CC2D1A: variants seen among roughly 807,000 people sequenced by gnomAD.
CC2D1A encodes coiled-coil and C2 domain-containing protein 1A.
A neutral mutation model predicts 123.8 loss-of-function variants in CC2D1A; 68 were observed. That is an observed-to-expected ratio of 0.55 (90% CI 0.45 to 0.67). The LOEUF is 0.67. Ranked by LOEUF, CC2D1A falls within the 30% of genes least tolerant of loss-of-function variation. The pLI is 0.00. For missense variants in CC2D1A, 1,185 were observed against 1,290.3 expected, an observed-to-expected ratio of 0.92 and a Z score of 1.25; for synonymous variants, 477 against 528.0, an observed-to-expected ratio of 0.90 and a Z score of 1.32.
At position 13,930,736 on chromosome 19, in the gene CC2D1A, C is replaced by T. The variant is rs1971879956; in HGVS notation, c.*341C>T. On this transcript the variant is annotated 3_prime_UTR_variant, in exon 29 of 29. Coordinates refer to ENST00000318003, the MANE Select transcript of CC2D1A (RefSeq NM_017721.5). The surrounding 1 kb of genome is among the most constrained non-coding windows in gnomAD (Gnocchi z 6.8). Reference sequence around the variant, plus strand: ...GCAAGCACTTTACTTCCTGTTCCTCCCCAGCCTTAACCCCAAAGCCCTCCT... The same window carrying T: ...GCAAGCACTTTACTTCCTGTTCCTCTCCAGCCTTAACCCCAAAGCCCTCCT... The T allele has an allele frequency of 2.4e-6, 1 of 411,230 alleles. No individual in the cohort carries two copies. The highest frequency in any genetic ancestry group is 2.0e-5 in the African/African-American group (1 of 49,086). 25.5% of individuals were successfully genotyped at this position (411,230 alleles called of 1,614,324 possible).
chr19:13,906,629 C>T lies in CC2D1A; in HGVS notation c.60+128C>T, dbSNP rs771884055. 1.8e-6 allele frequency: 1 copy of T among 559,032 alleles called. No homozygotes were observed. Among genetic ancestry groups the T allele is most frequent in the Non-Finnish European group, 3.0e-6 (1 of 333,458 alleles). The allele number at this position is 559,032 out of a possible 1,614,324, so 34.6% of individuals were successfully genotyped here. On this transcript the variant is annotated intron_variant, in intron 1 of 28. Coordinates refer to ENST00000318003, the MANE Select transcript of CC2D1A (RefSeq NM_017721.5). The surrounding 1 kb of genome is among the most constrained non-coding windows in gnomAD (Gnocchi z 4.1). ...AGGTAAGCCCCGGTCCCCGCCTCCC[C>T]CCAGGTGAGGCTCCAACACCACCCA...
intron 6 of CC2D1A, among the ~76,000 whole-genome samples, chr19:13,915,376 G>A (rs977211177): frequency 1.3e-5 from 2 of 152,268 alleles, no homozygotes; most frequent in East Asian, 3.9e-4. Context: ...TTCTCGAGTA[G>A]CTGGGATTAC....
At chr19:13,918,650 C>G in intron 8 of CC2D1A, 74 bp downstream of exon 8, 1 of 1,583,454 alleles carries the variant, frequency 6.3e-7, no homozygotes. Context: ...GCTGCCACCC[C>G]TGTTGGTCAG....
chr19:13,912,809 C>T (rs569959863), intron 4 of CC2D1A, among the ~76,000 whole-genome samples: 3 of 152,292 alleles, frequency 2.0e-5, no homozygotes, highest in South Asian at 2.1e-4. Flanking sequence ...TGTGCCACCA[C>T]GCCTGGCTAA....
In CC2D1A at chr19:13,913,583, T is replaced by A; in HGVS notation, c.693T>A (p.Pro231=). The A allele has an allele frequency of 6.2e-7, 1 of 1,613,846 alleles. No individual in the cohort carries two copies. Among genetic ancestry groups the A allele is most frequent in the Non-Finnish European group, 8.5e-7 (1 of 1,179,900 alleles). Residue 231 remains proline, a synonymous_variant, in exon 6 of 29, where the codon CCT becomes CCA. Transcript: ENST00000318003. ...APEPRVTLEG[P]SATAPASSPG... is the part of the protein sequence containing the mutation. The stretch of plus-strand genomic sequence containing the variant: ...AGCCCAGGGTCACCCTGGAGGGACC[T>A]TCTGCCACCGCCCCAGCCTCATCTC...
rs1971857574 is a variant in CC2D1A, at chr19:13,930,319, G to A, written c.2835+30G>A. ...GCAGCTTAGGAGATGGGGTGGTTGG[G>A]GGATCACTGTGGTCGTAGCCCACCT... On this transcript the variant is annotated intron_variant, in intron 28 of 28. Coordinates refer to ENST00000318003, the MANE Select transcript of CC2D1A (RefSeq NM_017721.5). The surrounding 1 kb of genome is among the most constrained non-coding windows in gnomAD (Gnocchi z 6.8). 6.2e-6 allele frequency: 10 copies of A among 1,613,906 alleles called. No individual in the cohort carries two copies. Among genetic ancestry groups the A allele is most frequent in the Non-Finnish European group, 8.5e-6 (10 of 1,179,862 alleles).
chr19:13,927,302 G>T (rs756298557), intron 22 of CC2D1A, 37 bp downstream of exon 22: 59 of 1,510,788 alleles, frequency 3.9e-5, no homozygotes, highest in Non-Finnish European at 5.2e-5. Context: ...CTCCGGTATG[G>T]CCATGCTACT....
chr19:13,906,594 T>C lies in CC2D1A; in HGVS notation c.60+93T>C, dbSNP rs1970747581. The C allele has an allele frequency of 5.3e-6, 4 of 752,762 alleles. No individual in the cohort carries two copies. Among genetic ancestry groups the C allele is most frequent in the Non-Finnish European group, 7.9e-6 (4 of 506,132 alleles). 46.6% of individuals were successfully genotyped at this position (752,762 alleles called of 1,614,324 possible). A position where few individuals can be genotyped will look rare whatever the true frequency, so the allele number is the denominator to read the frequency against. Reference sequence around the variant, plus strand: ...CCCCACCCCCCAGGGAAGCCCGATCTCCGCCCCACAGGTAAGCCCCGGTCC... The same window carrying C: ...CCCCACCCCCCAGGGAAGCCCGATCCCCGCCCCACAGGTAAGCCCCGGTCC... On this transcript the variant is annotated intron_variant, in intron 1 of 28. Transcript: ENST00000318003. This position sits in a 1 kb window ranked among gnomAD's most constrained non-coding sequence, Gnocchi z 4.1.
intron 6 of CC2D1A, among the ~76,000 whole-genome samples, chr19:13,916,517 T>C (rs1006118174): frequency 2.0e-5 from 3 of 152,072 alleles, no homozygotes; most frequent in Non-Finnish European, 2.9e-5. Flanking sequence ...TGAGCTGTGA[T>C]TGCACCACTG....
intron 11 of CC2D1A, chr19:13,919,595 T>C (rs1031135574): frequency 2.5e-6 from 1 of 394,658 alleles, no homozygotes; most frequent in Non-Finnish European, 4.5e-6. Flanking sequence ...AAAATTAGCC[T>C]GGTGTGGTGG....
intron 11 of CC2D1A, 55 bp downstream of exon 11, chr19:13,919,257 G>T: frequency 7.8e-7 from 1 of 1,281,300 alleles, no homozygotes; most frequent in Non-Finnish European, 1.1e-6. Flanking sequence ...CGTAGGCCCC[G>T]CCCCCAGAGG....
rs1426524024 is a variant in CC2D1A, at chr19:13,919,312, C to T, written c.1222+110C>T. 7 of 823,294 alleles carry T rather than the reference C, an allele frequency of 8.5e-6. No individual in the cohort carries two copies. The Admixed American group carries it at 1.4e-4, about 16-fold the overall frequency. 51.0% of individuals were successfully genotyped at this position (823,294 alleles called of 1,614,324 possible). Reference sequence around the variant, plus strand: ...TGCCCCAAGCTCCTGTTCCTCCAGCCTCTGAGCCTTGGCAGATGCTATTAC... The same window carrying T: ...TGCCCCAAGCTCCTGTTCCTCCAGCTTCTGAGCCTTGGCAGATGCTATTAC... On this transcript the variant is annotated intron_variant, in intron 11 of 28. Transcript: ENST00000318003.
rs1350359838 is a variant in CC2D1A, at chr19:13,918,125, G to T, written c.804G>T (p.Lys268Asn). Reference protein sequence around the residue: ...AQLQSRQRDYKLAALHAKQQG... With the variant: ...AQLQSRQRDYNLAALHAKQQG... ...TGCAGAGCCGCCAGCGCGACTACAA[G>T]CTGGCTGCCCTCCACGCCAAGCAGC... Residue 268 changes from lysine to asparagine, a missense_variant, in exon 7 of 29, where the codon AAG (lysine) becomes AAT (asparagine). Transcript: ENST00000318003. The T allele has an allele frequency of 1.9e-6, 3 of 1,612,170 alleles. No homozygotes were observed. The highest frequency in any genetic ancestry group is 4.5e-5 in the East Asian group (2 of 44,848).
intron 17 of CC2D1A, among the ~76,000 whole-genome samples, chr19:13,926,039 TATATACAC>T (rs1244743779): frequency 7.0e-5 from 6 of 86,014 alleles, no homozygotes; most frequent in Non-Finnish European, 1.0e-4. Flanking sequence ...TATATATATA[TATATACAC>T]GTATATATAT....
intron 8 of CC2D1A, 56 bp from the exon 9 acceptor site, chr19:13,918,690 C>T: frequency 6.3e-7 from 1 of 1,587,820 alleles, no homozygotes; most frequent in South Asian, 1.1e-5. Flanking sequence ...GCCAGACCAG[C>T]TTGTCGGGGG....
intron 12 of CC2D1A, 39 bp from the exon 13 acceptor site, chr19:13,920,518 C>T (rs767328252): frequency 3.4e-5 from 42 of 1,219,880 alleles, no homozygotes; most frequent in Admixed American, 2.9e-4. Flanking sequence ...TCATCACAGG[C>T]GCTACGAAAT....
chr19:13,923,675 C>T lies in CC2D1A; in HGVS notation c.1824-20C>T. On this transcript the variant is annotated intron_variant, in intron 16 of 28. Transcript: ENST00000318003. The surrounding 1 kb of genome is among the most constrained non-coding windows in gnomAD (Gnocchi z 5.3). Reference sequence around the variant, plus strand: ...CCATCCCCAGGGCCAGGGACATGAGCAGGGCCCTCCCACCGGCAGGTTTGA... The same window carrying T: ...CCATCCCCAGGGCCAGGGACATGAGTAGGGCCCTCCCACCGGCAGGTTTGA... The T allele has an allele frequency of 6.2e-7, 1 of 1,613,164 alleles. No homozygotes were observed. The highest frequency in any genetic ancestry group is 8.5e-7 in the Non-Finnish European group (1 of 1,179,104).
chr19:13,910,083 A>C, intron 2 of CC2D1A, 125 bp downstream of exon 2: 1 of 878,426 alleles, frequency 1.1e-6, no homozygotes, highest in Non-Finnish European at 1.6e-6. Flanking sequence ...CCTGGAGCCA[A>C]TGATCTGGGT....
At chr19:13,908,151 A>G (rs919689003) in intron 1 of CC2D1A, among the ~76,000 whole-genome samples, 11 of 151,810 alleles carry the variant, frequency 7.2e-5, no homozygotes, top group Non-Finnish European at 1.2e-4. Flanking sequence ...GATTACAGGC[A>G]TGCGCCACCA....
Sources: gnomAD v4.1 joint callset for allele counts (sites outside exome capture counted in the v4.1 genomes callset) on GRCh38, gnomAD v4.1.1 for gene constraint, Gnocchi (gnomAD v3.1) non-coding constraint, MANE v1.5 for transcripts, NCBI Gene and HGNC (gene_info 2026-07-23, HGNC 2026-07-21) for gene names.